The following GABRB3 variants were observed in gnomAD, a reference collection of about 807,000 sequenced individuals.
The protein encoded by GABRB3 is gamma-aminobutyric acid receptor subunit beta-3.
In GABRB3, 14 loss-of-function variants were observed where a neutral mutation model predicts 52.1. The observed-to-expected ratio is 0.27, with a 90% CI of 0.18 to 0.42. GABRB3 has a LOEUF of 0.42. Among genes scored for constraint, GABRB3 ranks in the 10% least tolerant of loss-of-function variants. GABRB3 has a pLI of 1.00. For missense variants in GABRB3, 307 were observed against 609.1 expected (o/e 0.50, Z 5.22); for synonymous variants, 260 against 232.3 (o/e 1.12, Z -1.08).
rs59909240 is a variant in GABRB3, at chr15:26,560,676, G to A, written c.1080+256C>T. On this transcript the variant is annotated intron_variant, in intron 8 of 8. Transcript: ENST00000311550. ...TGGCCAATCCAACAGTCCTCTTTGT[G>A]TAAGCCTACAACCACTGGTTTCAGT... is the stretch of plus-strand genomic sequence containing the variant. Among the ~76,000 whole-genome samples the A allele has an allele frequency of 1.8e-3, 272 of 152,260 alleles. 6 individuals carry two copies. The East Asian group carries it at 0.035, about 20-fold the overall frequency.
chr15:26,699,484 G>A (rs1317803619), intron 3 of GABRB3, among the ~76,000 whole-genome samples: 6 of 150,094 alleles, frequency 4.0e-5, no homozygotes, highest in Admixed American at 4.0e-4. Context: ...AAGTACATCG[G>A]TGAATCAAAA....
intron 3 of GABRB3, among the ~76,000 whole-genome samples, chr15:26,636,688 A>T (rs988253662): frequency 1.3e-5 from 2 of 152,200 alleles, no homozygotes; most frequent in Non-Finnish European, 2.9e-5. Flanking sequence ...ATTCAAATGG[A>T]ATTACTGATC....
At chr15:26,554,037 T>TATATATATA (rs59100810) in intron 8 of GABRB3, among the ~76,000 whole-genome samples, 2,638 of 58,374 alleles carry the variant, frequency 0.045, 501 homozygotes, top group African/African-American at 0.12. Flanking sequence ...ATATATATAT[T>TATATATATA]TATTTATTTA....
intron 3 of GABRB3, among the ~76,000 whole-genome samples, chr15:26,687,064 C>G (rs1283632737): frequency 6.6e-6 from 1 of 152,208 alleles, no homozygotes; most frequent in African/African-American, 2.4e-5. Context: ...GGACCTAGGG[C>G]CTTCCCCTGC....
intron 4 of GABRB3, chr15:26,616,155 A>G: frequency 1.7e-5 from 19 of 1,133,748 alleles, no homozygotes; most frequent in Non-Finnish European, 2.1e-5. Context: ...AACAGTAAAA[A>G]GACACGGGAG....
intron 3 of GABRB3, among the ~76,000 whole-genome samples, chr15:26,744,225 T>A (rs866993833): frequency 6.6e-6 from 1 of 152,170 alleles, no homozygotes; most frequent in East Asian, 1.9e-4. Flanking sequence ...GTATTTGAAT[T>A]TGATATTAAA....
chr15:26,558,580 TAG>T (rs1409118658), intron 8 of GABRB3, among the ~76,000 whole-genome samples: 1 of 152,124 alleles, frequency 6.6e-6, no homozygotes, highest in Non-Finnish European at 1.5e-5. Flanking sequence ...GGAGGTGTAT[TAG>T]GCCATTCTCT....
At chr15:26,644,941 C>T (rs755431070) in intron 3 of GABRB3, among the ~76,000 whole-genome samples, 12 of 152,176 alleles carry the variant, frequency 7.9e-5, no homozygotes, top group Admixed American at 3.9e-4. Flanking sequence ...ATGAAAAACA[C>T]TTGCAATGTC....
intron 3 of GABRB3, among the ~76,000 whole-genome samples, chr15:26,738,643 C>T (rs981046822): frequency 1.3e-5 from 2 of 152,114 alleles, no homozygotes; most frequent in African/African-American, 4.8e-5. Context: ...CTTCTTTGTA[C>T]TTATCTTCCC....
chr15:26,598,420 C>T (rs1162286821), intron 4 of GABRB3, among the ~76,000 whole-genome samples: 1 of 152,070 alleles, frequency 6.6e-6, no homozygotes, highest in Non-Finnish European at 1.5e-5. Flanking sequence ...CTTCACCCCT[C>T]CACCCCACAG....
At chr15:26,567,942 T>C (rs985685105) in intron 6 of GABRB3, among the ~76,000 whole-genome samples, 10 of 152,262 alleles carry the variant, frequency 6.6e-5, no homozygotes, top group African/African-American at 2.4e-4. Flanking sequence ...AAGATAGTGA[T>C]GAGGATGCTC....
intron 3 of GABRB3, among the ~76,000 whole-genome samples, chr15:26,655,405 A>G (rs114501950): frequency 0.14 from 22,062 of 152,160 alleles, 1,764 homozygotes; most frequent in Non-Finnish European, 0.18. Flanking sequence ...TAGGATGCAG[A>G]CTGGGGGTGA....
At chr15:26,737,100 C>T (rs1439556528) in intron 3 of GABRB3, among the ~76,000 whole-genome samples, 1 of 152,194 alleles carries the variant, frequency 6.6e-6, no homozygotes, top group Non-Finnish European at 1.5e-5. Flanking sequence ...TAGGTCTGTT[C>T]CAGAGAACAC....
At chr15:26,770,905 A>AT (rs1216699904) in intron 3 of GABRB3, among the ~76,000 whole-genome samples, 19 of 152,334 alleles carry the variant, frequency 1.2e-4, no homozygotes, top group African/African-American at 4.6e-4. Flanking sequence ...AGACATGTTA[A>AT]TTTTTACTGT....
Position 26,585,117 on chromosome 15 carries a change from G to A in GABRB3, c.462-1703C>T, listed in dbSNP as rs144523675. 9.4e-4 allele frequency among the ~76,000 whole-genome samples: 143 copies of A among 152,296 alleles called. No individual in the cohort carries two copies. The Middle Eastern group carries it at 0.02, about 22-fold the overall frequency. Reference sequence around the variant, plus strand: ...TCGTAGTTGTGCCCCAGGCCACAGCGGGTGGCCTTGCTGAATGTGTGCTCC... The same window carrying A: ...TCGTAGTTGTGCCCCAGGCCACAGCAGGTGGCCTTGCTGAATGTGTGCTCC... On this transcript the variant is annotated intron_variant, in intron 4 of 8. Transcript: ENST00000311550.
In GABRB3 at chr15:26,719,036, G is replaced by A. The variant is rs552514203; in HGVS notation, c.240+53366C>T. ...TGTGCATCTCCTCATGGTCCCCACCGCCACCTGGCAAGTGGGGCTTCCTAC... is the reference window on the plus strand; with the variant it reads ...TGTGCATCTCCTCATGGTCCCCACCACCACCTGGCAAGTGGGGCTTCCTAC... On this transcript the variant is annotated intron_variant, in intron 3 of 8. Coordinates refer to ENST00000311550, the MANE Select transcript of GABRB3 (RefSeq NM_000814.6). Among the ~76,000 whole-genome samples, 5 of 152,330 alleles carry A rather than the reference G, an allele frequency of 3.3e-5. No homozygotes were observed. The South Asian group carries it at 8.3e-4, about 25-fold the overall frequency.
At chr15:26,733,335 C>T (rs959761998) in intron 3 of GABRB3, among the ~76,000 whole-genome samples, 1 of 152,022 alleles carries the variant, frequency 6.6e-6, no homozygotes, top group African/African-American at 2.4e-5. Flanking sequence ...AAAGTCAACA[C>T]ACAAAAATTA....
intron 3 of GABRB3, among the ~76,000 whole-genome samples, chr15:26,706,382 G>A (rs1889102971): frequency 6.6e-6 from 1 of 150,974 alleles, no homozygotes; most frequent in Admixed American, 6.6e-5. Flanking sequence ...ACACTTAGCT[G>A]TTATTTTCAA....
At chr15:26,702,090 A>C (rs1158904162) in intron 3 of GABRB3, among the ~76,000 whole-genome samples, 1 of 152,220 alleles carries the variant, frequency 6.6e-6, no homozygotes, top group Non-Finnish European at 1.5e-5. Context: ...ATAAAAATCA[A>C]GTGGAAAAGA....
Sources: allele counts gnomAD v4.1 joint callset (sites outside exome capture counted in the v4.1 genomes callset), GRCh38; gene constraint gnomAD v4.1.1; transcripts MANE v1.5; gene names NCBI Gene and HGNC (gene_info 2026-07-23, HGNC 2026-07-21).